PELI2: variants seen among roughly 807,000 people sequenced by gnomAD.
The protein encoded by PELI2 is E3 ubiquitin-protein ligase pellino homolog 2.
In PELI2, 23 loss-of-function variants were observed where a neutral mutation model predicts 42.3. The ratio of observed to expected loss-of-function variants is 0.54; its 90% CI spans 0.39 to 0.77. The LOEUF (loss-of-function observed/expected upper bound fraction) is 0.77. PELI2 is among the 30% of genes least tolerant of loss of function. The probability of loss-of-function intolerance (pLI) is 0.00; values close to 1 mark genes in which losing one functional copy is unlikely to be tolerated. For missense variants in PELI2, 463 were observed against 553.2 expected (o/e 0.84, Z 1.64); for synonymous variants, 245 against 212.2 (o/e 1.15, Z -1.34).
chr14:56,295,473 T>G (rs1163063444), intron 5 of PELI2, among the ~76,000 whole-genome samples: 1 of 152,196 alleles, frequency 6.6e-6, no homozygotes, highest in Non-Finnish European at 1.5e-5. Context: ...CTGCTGTGCC[T>G]TCCTGCTATC....
chr14:56,213,559 G>C (rs1886786044), intron 2 of PELI2, among the ~76,000 whole-genome samples: 1 of 152,196 alleles, frequency 6.6e-6, no homozygotes, highest in Admixed American at 6.5e-5. Context: ...GCAGCATGTG[G>C]ACTGTTGTCA....
chr14:56,203,368 T>G (rs1454424744), intron 2 of PELI2, among the ~76,000 whole-genome samples: 3 of 152,152 alleles, frequency 2.0e-5, no homozygotes, highest in African/African-American at 7.2e-5. Context: ...TCGTAATGTC[T>G]GCAACTTAAT....
At chr14:56,123,476 T>C (rs2139574471) in intron 1 of PELI2, among the ~76,000 whole-genome samples, 1 of 151,996 alleles carries the variant, frequency 6.6e-6, no homozygotes, top group South Asian at 2.1e-4. Flanking sequence ...GTGGATGGAG[T>C]GTCTAATTCT....
At chr14:56,193,395 G>T (rs777524494) in intron 2 of PELI2, among the ~76,000 whole-genome samples, 6 of 152,162 alleles carry the variant, frequency 3.9e-5, no homozygotes, top group Non-Finnish European at 8.8e-5. Flanking sequence ...AACCCTGATT[G>T]TGGCCATGAT....
intron 1 of PELI2, among the ~76,000 whole-genome samples, chr14:56,153,458 TGATTC>T (rs1326854868): frequency 6.6e-6 from 1 of 152,176 alleles, no homozygotes; most frequent in African/African-American, 2.4e-5. Flanking sequence ...TGACATTGCC[TGATTC>T]ATGGTGCTGA....
intron 1 of PELI2, among the ~76,000 whole-genome samples, chr14:56,130,706 A>G (rs182985579): frequency 6.6e-6 from 1 of 152,048 alleles, no homozygotes; most frequent in East Asian, 1.9e-4. Flanking sequence ...ATTTACCTGA[A>G]TATATTATAT....
At chr14:56,190,118 TA>T (rs573506395) in intron 2 of PELI2, among the ~76,000 whole-genome samples, 128 of 152,202 alleles carry the variant, frequency 8.4e-4, no homozygotes, top group African/African-American at 2.9e-3. Context: ...TAGTTATATT[TA>T]AAAAAAATCT....
intron 1 of PELI2, among the ~76,000 whole-genome samples, chr14:56,149,360 T>C (rs1453977012): frequency 1.3e-5 from 2 of 152,228 alleles, no homozygotes; most frequent in African/African-American, 4.8e-5. Flanking sequence ...TTATGTATTC[T>C]GGTAAGATAT....
At chr14:56,153,373 A>G (rs2139625573) in intron 1 of PELI2, among the ~76,000 whole-genome samples, 1 of 152,286 alleles carries the variant, frequency 6.6e-6, no homozygotes, top group East Asian at 1.9e-4. Flanking sequence ...AGTCAAACTT[A>G]AAGATAAAGC....
chr14:56,190,012 T>C (rs1885902406), intron 2 of PELI2, among the ~76,000 whole-genome samples: 2 of 152,256 alleles, frequency 1.3e-5, no homozygotes, highest in South Asian at 4.1e-4. Flanking sequence ...CATTCTCTGG[T>C]CTGCTAACAT....
chr14:56,266,125 A>G (rs906174223), intron 2 of PELI2, among the ~76,000 whole-genome samples: 3 of 152,088 alleles, frequency 2.0e-5, no homozygotes, highest in East Asian at 3.8e-4. Context: ...CATTTGGGTA[A>G]TATTTCTAAA....
chr14:56,271,288 AGTT>A (rs1168953083), intron 2 of PELI2, among the ~76,000 whole-genome samples: 4 of 152,172 alleles, frequency 2.6e-5, no homozygotes, highest in Admixed American at 2.0e-4. Context: ...AAATATCAGA[AGTT>A]GTTTCTGAAT....
At chr14:56,245,930 G>C (rs1220613744) in intron 2 of PELI2, among the ~76,000 whole-genome samples, 1 of 152,194 alleles carries the variant, frequency 6.6e-6, no homozygotes, top group African/African-American at 2.4e-5. Flanking sequence ...ATTTATGTAA[G>C]AGACTTGAGC....
intron 2 of PELI2, among the ~76,000 whole-genome samples, chr14:56,198,539 G>A (rs1052895116): frequency 3.9e-5 from 6 of 152,206 alleles, no homozygotes; most frequent in Non-Finnish European, 8.8e-5. Context: ...CCACTTGCAG[G>A]TTGGTGGCTA....
intron 2 of PELI2, among the ~76,000 whole-genome samples, chr14:56,202,409 G>A (rs1224299002): frequency 6.6e-6 from 1 of 151,374 alleles, no homozygotes; most frequent in Non-Finnish European, 1.5e-5. Flanking sequence ...AGAAGTGAAA[G>A]CCCTCCTTGG....
chr14:56,132,028 T>G lies in PELI2; in HGVS notation c.77+13291T>G, dbSNP rs1165156296. 2.0e-5 allele frequency among the ~76,000 whole-genome samples: 3 copies of G among 152,220 alleles called. No homozygotes were observed. The East Asian group carries it at 5.8e-4, about 29-fold the overall frequency. On this transcript the variant is annotated intron_variant, in intron 1 of 5. Transcript: ENST00000267460. The stretch of plus-strand genomic sequence containing the variant: ...CCTTGCTCCTGTGCAATTTACTAAT[T>G]ATAAATTAGTAAATTGAACTGCAAG...
chr14:56,143,897 T>C (rs1364926783), intron 1 of PELI2, among the ~76,000 whole-genome samples: 4 of 152,222 alleles, frequency 2.6e-5, no homozygotes, highest in Non-Finnish European at 5.9e-5. Context: ...TATTGGAAGA[T>C]GATATTTAGA....
At chr14:56,130,335 A>G (rs1220965349) in intron 1 of PELI2, among the ~76,000 whole-genome samples, 1 of 152,210 alleles carries the variant, frequency 6.6e-6, no homozygotes, top group Non-Finnish European at 1.5e-5. Context: ...AAGCTTGTTC[A>G]GGGCCACATG....
chr14:56,139,197 C>T (rs187270358), intron 1 of PELI2, among the ~76,000 whole-genome samples: 9 of 151,774 alleles, frequency 5.9e-5, no homozygotes, highest in African/African-American at 1.7e-4. Flanking sequence ...GGAGATAGAA[C>T]GGGAGGAAGG....
Sources: gnomAD v4.1 joint callset for allele counts (sites outside exome capture counted in the v4.1 genomes callset) on GRCh38, gnomAD v4.1.1 for gene constraint, MANE v1.5 for transcripts, NCBI Gene and HGNC (gene_info 2026-07-23, HGNC 2026-07-21) for gene names.